The following FER variants were observed in gnomAD, a reference collection of about 807,000 sequenced individuals.
FER encodes the protein tyrosine-protein kinase Fer.
FER carries 63 observed loss-of-function variants against 111.0 expected under a neutral mutation model. The ratio of observed to expected loss-of-function variants is 0.57; its 90% CI spans 0.46 to 0.70. The LOEUF is 0.70. Among genes scored for constraint, FER ranks in the 30% least tolerant of loss-of-function variants. The probability of loss-of-function intolerance (pLI) is 0.00; values close to 1 mark genes in which losing one functional copy is unlikely to be tolerated. For missense variants in FER, 914 were observed against 954.0 expected (o/e 0.96, Z 0.55); for synonymous variants, 327 against 313.9 (o/e 1.04, Z -0.44).
intron 10 of FER, among the ~76,000 whole-genome samples, chr5:108,906,484 C>G (rs948137604): frequency 6.6e-6 from 1 of 152,002 alleles, no homozygotes; most frequent in Non-Finnish European, 1.5e-5. Context: ...AATTAACTTA[C>G]GACTTATGCA....
intron 13 of FER, among the ~76,000 whole-genome samples, chr5:108,991,648 A>G (rs1175503387): frequency 6.6e-6 from 1 of 151,868 alleles, no homozygotes; most frequent in Non-Finnish European, 1.5e-5. Flanking sequence ...CTCCTTCCTT[A>G]TTCATTTGTT....
intron 3 of FER, among the ~76,000 whole-genome samples, chr5:108,830,446 T>G (rs1315558097): frequency 1.3e-5 from 2 of 152,148 alleles, no homozygotes; most frequent in Non-Finnish European, 2.9e-5. Flanking sequence ...GGAGCAAGAC[T>G]CCATCTCAAC....
At chr5:108,892,706 C>G (rs1379663058) in intron 9 of FER, among the ~76,000 whole-genome samples, 2 of 152,102 alleles carry the variant, frequency 1.3e-5, no homozygotes, top group African/African-American at 2.4e-5. Context: ...CTTTTGTTGC[C>G]ATTTCTTTTG....
chr5:109,175,115 T>C (rs562564549), intron 17 of FER, among the ~76,000 whole-genome samples: 3 of 152,332 alleles, frequency 2.0e-5, no homozygotes, highest in South Asian at 4.1e-4. Flanking sequence ...TTTATATTCA[T>C]GTGAAGAGAA....
intron 18 of FER, among the ~76,000 whole-genome samples, chr5:109,185,638 G>T (rs1474739814): frequency 6.6e-6 from 1 of 152,082 alleles, no homozygotes; most frequent in Non-Finnish European, 1.5e-5. Flanking sequence ...TTCTTGGGGG[G>T]AGGGAGAGTG....
At chr5:108,912,665 C>G (rs1376272420) in intron 10 of FER, among the ~76,000 whole-genome samples, 1 of 151,994 alleles carries the variant, frequency 6.6e-6, no homozygotes, top group Non-Finnish European at 1.5e-5. Flanking sequence ...GTGCGTGGCC[C>G]TATGAACTCT....
intron 3 of FER, among the ~76,000 whole-genome samples, chr5:108,822,290 A>G (rs1224847086): frequency 6.6e-6 from 1 of 152,160 alleles, no homozygotes; most frequent in East Asian, 1.9e-4. Flanking sequence ...TTGTTCCTAT[A>G]TCTTGCCTAT....
At chr5:108,958,972 A>G (rs1470500574) in intron 12 of FER, among the ~76,000 whole-genome samples, 1 of 151,814 alleles carries the variant, frequency 6.6e-6, no homozygotes. Flanking sequence ...CAACAATTTG[A>G]ATTAGATTTA....
intron 10 of FER, among the ~76,000 whole-genome samples, chr5:108,922,173 G>C (rs1753113078): frequency 6.6e-6 from 1 of 152,160 alleles, no homozygotes; most frequent in Non-Finnish European, 1.5e-5. Context: ...ATTTTGGAGG[G>C]AGCATGGCCT....
intron 16 of FER, among the ~76,000 whole-genome samples, chr5:109,079,423 T>C (rs554323138): frequency 6.6e-6 from 1 of 152,274 alleles, no homozygotes; most frequent in African/African-American, 2.4e-5. Flanking sequence ...TAACTCCAGA[T>C]TGGTGCTCTG....
At chr5:109,030,644 G>T (rs369286253) in intron 13 of FER, among the ~76,000 whole-genome samples, 11 of 152,302 alleles carry the variant, frequency 7.2e-5, no homozygotes, top group African/African-American at 2.2e-4. Context: ...TGGGCTGCCA[G>T]GTGTTTCACT....
intron 13 of FER, among the ~76,000 whole-genome samples, chr5:109,020,852 GAAAT>G (rs1205020399): frequency 6.6e-6 from 1 of 151,984 alleles, no homozygotes; most frequent in Non-Finnish European, 1.5e-5. Flanking sequence ...GAACTGTAGA[GAAAT>G]AATTATCTCA....
At chr5:109,104,124 A>G (rs1397403436) in intron 17 of FER, among the ~76,000 whole-genome samples, 1 of 152,206 alleles carries the variant, frequency 6.6e-6, no homozygotes, top group African/African-American at 2.4e-5. Context: ...TCAACTCTAT[A>G]CTGATTCTCT....
chr5:108,919,555 C>T (rs1033897822), intron 10 of FER, among the ~76,000 whole-genome samples: 2 of 152,116 alleles, frequency 1.3e-5, no homozygotes, highest in African/African-American at 2.4e-5. Flanking sequence ...ACTAAAAGAA[C>T]TAATCCTTAA....
At chr5:108,975,717 G>A (rs1213620207) in intron 13 of FER, among the ~76,000 whole-genome samples, 9 of 152,112 alleles carry the variant, frequency 5.9e-5, no homozygotes, top group Non-Finnish European at 8.8e-5. Context: ...TGTAAATTTG[G>A]GTTTTAGAGA....
intron 15 of FER, among the ~76,000 whole-genome samples, chr5:109,045,628 C>G (rs982223033): frequency 1.3e-5 from 2 of 152,064 alleles, no homozygotes; most frequent in Non-Finnish European, 2.9e-5. Flanking sequence ...GACACCAGGT[C>G]TTTGAGAAAA....
intron 9 of FER, among the ~76,000 whole-genome samples, chr5:108,892,255 C>T (rs934716441): frequency 1.3e-5 from 2 of 152,140 alleles, no homozygotes; most frequent in Non-Finnish European, 2.9e-5. Context: ...ACTTCCACAA[C>T]AGTTGAACTA....
At chr5:109,127,246 C>G (rs1328962528) in intron 17 of FER, among the ~76,000 whole-genome samples, 2 of 152,030 alleles carry the variant, frequency 1.3e-5, no homozygotes, top group African/African-American at 4.8e-5. Flanking sequence ...AAACTGTCCA[C>G]CTTTGGGGAT....
chr5:108,974,330 G>T (rs1761053713), intron 13 of FER, among the ~76,000 whole-genome samples: 2 of 152,132 alleles, frequency 1.3e-5, no homozygotes, highest in South Asian at 2.1e-4. Flanking sequence ...CAAAAGGTGG[G>T]CTGAGTTGTG....
Sources: gnomAD v4.1 joint callset for allele counts (sites outside exome capture counted in the v4.1 genomes callset) on GRCh38, gnomAD v4.1.1 for gene constraint, MANE v1.5 for transcripts, NCBI Gene and HGNC (gene_info 2026-07-23, HGNC 2026-07-21) for gene names.